Variants in ZFHX3 observed in about 807,000 individuals in gnomAD.
ZFHX3 encodes the protein zinc finger homeobox protein 3.
A neutral mutation model predicts 279.1 loss-of-function variants in ZFHX3; 42 were observed. The ratio of observed to expected loss-of-function variants is 0.15; its 90% CI spans 0.12 to 0.19. The LOEUF is 0.19. Among genes scored for constraint, ZFHX3 ranks in the 10% least tolerant of loss-of-function variants. The pLI, the probability that ZFHX3 is intolerant of heterozygous loss-of-function variation, is 1.00. For missense variants in ZFHX3, 4,981 were observed against 4,754.0 expected (o/e 1.05, Z -1.40); for synonymous variants, 2,293 against 1,957.8 (o/e 1.17, Z -4.52).
intron 1 of ZFHX3, among the ~76,000 whole-genome samples, chr16:73,728,786 T>C (rs1391245696): frequency 6.8e-6 from 1 of 147,728 alleles, no homozygotes; most frequent in Admixed American, 6.9e-5. Flanking sequence ...ACATAATACT[T>C]TACCTTAATG....
exon 7 of ZFHX3, chr16:73,131,090 T>G: frequency 1.2e-6 from 1 of 804,706 alleles, no homozygotes; most frequent in Non-Finnish European, 1.9e-6. Flanking sequence ...TCTCAGCTTC[T>G]CTATCTGTAA....
At chr16:73,034,581 C>T (rs746436695) in intron 1 of ZFHX3, among the ~76,000 whole-genome samples, 27 of 152,208 alleles carry the variant, frequency 1.8e-4, no homozygotes, top group Non-Finnish European at 3.4e-4. Context: ...CAACCCACCA[C>T]GGAGAGGGTG....
At chr16:73,131,308 G>A (rs910291581) in intron 6 of ZFHX3, among the ~76,000 whole-genome samples, 1 of 152,120 alleles carries the variant, frequency 6.6e-6, no homozygotes, top group Non-Finnish European at 1.5e-5. Context: ...CTTAATAAAC[G>A]CAATTCATGG....
chr16:72,844,726 G>C (rs910163880), intron 4 of ZFHX3, among the ~76,000 whole-genome samples: 5 of 152,038 alleles, frequency 3.3e-5, no homozygotes, highest in African/African-American at 1.2e-4. Context: ...TGGTTGTGCG[G>C]TTTTTGGTTT....
intron 1 of ZFHX3, among the ~76,000 whole-genome samples, chr16:73,792,839 C>G (rs1259581988): frequency 6.6e-6 from 1 of 150,724 alleles, no homozygotes; most frequent in Non-Finnish European, 1.5e-5. Context: ...GTAGTTTGGC[C>G]CTTGACCATA....
chr16:72,812,903 TCTC>T (rs903838448), intron 5 of ZFHX3, among the ~76,000 whole-genome samples: 7 of 152,304 alleles, frequency 4.6e-5, no homozygotes, highest in African/African-American at 1.4e-4. Context: ...TTCTTTATCT[TCTC>T]TATTTTTAAC....
intron 4 of ZFHX3, among the ~76,000 whole-genome samples, chr16:72,880,713 T>G (rs2038443183): frequency 6.6e-6 from 1 of 152,200 alleles, no homozygotes; most frequent in Non-Finnish European, 1.5e-5. Context: ...ATTTTTGATA[T>G]TCTAATTAGA....
chr16:73,796,910 G>A (rs540471542), intron 1 of ZFHX3, among the ~76,000 whole-genome samples: 3 of 152,260 alleles, frequency 2.0e-5, no homozygotes, highest in South Asian at 4.2e-4. Context: ...ATGTTATGTG[G>A]AAAAGTGAAG....
intron 3 of ZFHX3, among the ~76,000 whole-genome samples, chr16:73,366,556 A>G (rs9928463): frequency 0.28 from 40,729 of 146,640 alleles, 5,843 homozygotes; most frequent in Middle Eastern, 0.35. Flanking sequence ...ATGTAGTGAG[A>G]CCCTCTCTCT....
chr16:73,793,548 T>A (rs527444807), intron 1 of ZFHX3, among the ~76,000 whole-genome samples: 15 of 152,334 alleles, frequency 9.8e-5, no homozygotes, highest in African/African-American at 3.1e-4. Context: ...TCATACTAAT[T>A]GTAGCTGTGC....
intron 4 of ZFHX3, among the ~76,000 whole-genome samples, chr16:73,304,619 G>A (rs190157434): frequency 1.2e-3 from 184 of 152,192 alleles, no homozygotes; most frequent in Non-Finnish European, 2.2e-3. Flanking sequence ...CAGCATCCCT[G>A]CCCCCTTCCT....
rs200619418 is a variant in ZFHX3, at chr16:73,257,310, C to T, written c.-1193-174G>A. Among the ~76,000 whole-genome samples the T allele has an allele frequency of 1.3e-4, 20 of 152,234 alleles. No individual in the cohort carries two copies. The East Asian group carries it at 3.3e-3, about 25-fold the overall frequency. On this transcript the variant is annotated intron_variant, in intron 4 of 17. Transcript: ENST00000641206. ...GTCAATACCTCACTTGACTTTGTGT[C>T]GCCATTGTCAGTTTAAGCTGAAGAG...
chr16:73,149,906 G>T lies in ZFHX3; in HGVS notation c.-1103-6075C>A, dbSNP rs555976294. Among the ~76,000 whole-genome samples the T allele has an allele frequency of 1.7e-4, 26 of 152,252 alleles. No homozygotes were observed. In the East Asian group the frequency reaches 3.9e-3, roughly 23 times the overall value. ...GGAGAAGTAGTCAGACCGCTTTGGA[G>T]GCCCAAGTTCTCAGATGCTTCCATC... On this transcript the variant is annotated intron_variant, in intron 5 of 17. Coordinates refer to the ZFHX3 transcript ENST00000641206.
intron 1 of ZFHX3, among the ~76,000 whole-genome samples, chr16:73,008,968 AATGAGGTTC>A (rs1567630328): frequency 6.6e-6 from 1 of 151,830 alleles, no homozygotes; most frequent in East Asian, 1.9e-4. Flanking sequence ...TAAAAAGCTT[AATGAGGTTC>A]CAACTGGGCT....
In ZFHX3 at chr16:73,689,010, A is replaced by T. The variant is rs551028698; in HGVS notation, c.-1607-8770T>A. ...TTTTGTGAATTGCCTGGTCTTGGGT[A>T]TGTCTTTATCAGCAGCGTGAAAACA... On this transcript the variant is annotated intron_variant, in intron 1 of 17. Transcript: ENST00000641206. 6.2e-4 allele frequency among the ~76,000 whole-genome samples: 95 copies of T among 152,288 alleles called. 1 individual carries two copies. The highest frequency in any genetic ancestry group is 2.0e-3 in the African/African-American group (83 of 41,562).
rs1302364793 is a variant in ZFHX3 at position 72,950,539 on chromosome 16, G to C, written c.3146C>G (p.Thr1049Ser). The C allele has an allele frequency of 6.2e-7, 1 of 1,614,256 alleles. No individual in the cohort carries two copies. The part of the protein sequence containing the change: ...HLKCNACDYY[T>S]NSLEKLRLHT... ...CAGCCGCAGCTTCTCCAGGCTGTTG[G>C]TGTAGTAGTCACAGGCGTTGCACTT... Residue 1049 changes from threonine (T) to serine (S), a missense_variant, in exon 3 of 10, where the codon ACC (threonine) becomes AGC (serine). Coordinates refer to ENST00000268489, the MANE Select transcript of ZFHX3 (RefSeq NM_006885.4).
chr16:72,923,036 TACAC>T (rs902082896), intron 3 of ZFHX3, among the ~76,000 whole-genome samples: 8 of 152,222 alleles, frequency 5.3e-5, no homozygotes, highest in African/African-American at 1.9e-4. Flanking sequence ...TATCCACACA[TACAC>T]ACACATCAGA....
At position 72,786,981 on chromosome 16, in the gene ZFHX3, TA is replaced by T; in HGVS notation, c.*182del. 1 of 490,582 alleles carries T rather than the reference TA, an allele frequency of 2.0e-6. No homozygotes were observed. Among genetic ancestry groups the T allele is most frequent in the Non-Finnish European group, 3.1e-6 (1 of 327,354 alleles). The allele number at this position is 490,582 out of a possible 1,614,324, so 30.4% of individuals were successfully genotyped here. On this transcript the variant is annotated 3_prime_UTR_variant, in exon 10 of 10. Coordinates refer to ENST00000268489, the MANE Select transcript of ZFHX3 (RefSeq NM_006885.4). Reference sequence around the variant, plus strand: ...AAAAGAAAAGAAAAAGACAAGAATGTAAAATCACCGGCATAGATAGGTATAT... The same window carrying T: ...AAAAGAAAAGAAAAAGACAAGAATGTAAATCACCGGCATAGATAGGTATAT...
intron 1 of ZFHX3, among the ~76,000 whole-genome samples, chr16:73,886,536 G>A (rs570133351): frequency 6.6e-6 from 1 of 152,262 alleles, no homozygotes; most frequent in Admixed American, 6.5e-5. Flanking sequence ...ATCATGCCGA[G>A]GAGAAAATGA....
Sources: allele counts gnomAD v4.1 joint callset (sites outside exome capture counted in the v4.1 genomes callset), GRCh38; gene constraint gnomAD v4.1.1; transcripts MANE v1.5; gene names NCBI Gene and HGNC (gene_info 2026-07-23, HGNC 2026-07-21).